Variants in ST7 observed in about 807,000 individuals in gnomAD.
The protein encoded by ST7 is suppressor of tumorigenicity 7 protein.
In ST7, 28 loss-of-function variants were observed where a neutral mutation model predicts 78.7. That is an observed-to-expected ratio of 0.36 (90% CI 0.26 to 0.49). The LOEUF is 0.49. ST7 is among the 20% of genes least tolerant of loss of function. The pLI is 0.99. For synonymous variants in ST7, 247 were observed against 249.6 expected, an observed-to-expected ratio of 0.99 and a Z score of 0.10; for missense variants, 418 against 696.0, an observed-to-expected ratio of 0.60 and a Z score of 4.49.
At chr7:117,198,942 T>C (rs1482539244) in intron 12 of ST7, 1 of 152,162 alleles carries the variant, frequency 6.6e-6, no homozygotes, top group Non-Finnish European at 1.5e-5. Flanking sequence ...AATACACACA[T>C]ACATACTCCA....
intron 12 of ST7, among the ~76,000 whole-genome samples, chr7:117,202,542 C>G (rs1810975930): frequency 6.6e-6 from 1 of 152,130 alleles, no homozygotes; most frequent in Admixed American, 6.5e-5. Context: ...GGTTCTTTCC[C>G]TCACTCTCAC....
At chr7:117,147,783 C>G (rs932519767) in intron 9 of ST7, among the ~76,000 whole-genome samples, 3 of 151,970 alleles carry the variant, frequency 2.0e-5, no homozygotes, top group South Asian at 4.1e-4. Flanking sequence ...GCCTTTTTAC[C>G]ATTTGATCCT....
At chr7:117,147,508 G>C (rs1196474034) in intron 9 of ST7, among the ~76,000 whole-genome samples, 1 of 151,732 alleles carries the variant, frequency 6.6e-6, no homozygotes, top group Non-Finnish European at 1.5e-5. Flanking sequence ...ATTACATATA[G>C]CTTTTCATGA....
chr7:117,126,028 G>A (rs1235854696), intron 3 of ST7, among the ~76,000 whole-genome samples: 1 of 151,972 alleles, frequency 6.6e-6, no homozygotes, highest in East Asian at 1.9e-4. Flanking sequence ...ACTAATGTAT[G>A]TAAGGAATGT....
At chr7:117,156,334 C>T (rs1049454422) in intron 9 of ST7, among the ~76,000 whole-genome samples, 3 of 152,140 alleles carry the variant, frequency 2.0e-5, no homozygotes, top group East Asian at 1.9e-4. Flanking sequence ...GTTAAAAGTG[C>T]ACAGCTTTTT....
At chr7:117,167,683 C>T (rs1187615851) in intron 9 of ST7, among the ~76,000 whole-genome samples, 3 of 151,990 alleles carry the variant, frequency 2.0e-5, no homozygotes, top group Non-Finnish European at 4.4e-5. Context: ...TGGGACATAA[C>T]CTGCAAGAAG....
intron 15 of ST7, chr7:117,223,433 A>C (rs959112371): frequency 5.7e-6 from 1 of 175,336 alleles, no homozygotes; most frequent in Non-Finnish European, 1.2e-5. Context: ...TCAGCATGGC[A>C]TCCAAGACTC....
At chr7:117,140,792 G>A (rs1195492743) in intron 9 of ST7, among the ~76,000 whole-genome samples, 1 of 152,056 alleles carries the variant, frequency 6.6e-6, no homozygotes, top group Admixed American at 6.6e-5. Context: ...AGTAGACATG[G>A]GCCTTCTGGT....
In ST7 at chr7:117,099,859, C is replaced by A. The variant is rs1563080974; in HGVS notation, c.234+15C>A. The A allele has an allele frequency of 1.2e-6, 2 of 1,600,964 alleles. No homozygotes were observed. Among genetic ancestry groups the A allele is most frequent in the Admixed American group, 1.7e-5 (1 of 59,136 alleles). On this transcript the variant is annotated intron_variant, in intron 2 of 15. Coordinates refer to ENST00000323984, the MANE Select transcript of ST7 (RefSeq NM_001369598.1). ...GGCTTATTTTGGTAAGTGGTGGAGT[C>A]CTTCTCATTTAAAAACATGCTGATT...
chr7:117,192,621 C>T (rs551557134), intron 12 of ST7, among the ~76,000 whole-genome samples: 8 of 152,264 alleles, frequency 5.3e-5, no homozygotes, highest in African/African-American at 1.9e-4. Flanking sequence ...GGGGGCTCCT[C>T]ATATCTAGGA....
intron 10 of ST7, among the ~76,000 whole-genome samples, chr7:117,181,322 A>G (rs1015507093): frequency 3.9e-5 from 6 of 152,234 alleles, no homozygotes; most frequent in Non-Finnish European, 5.9e-5. Context: ...CCAAAAAAAC[A>G]GTGAAGAATG....
intron 9 of ST7, among the ~76,000 whole-genome samples, chr7:117,139,736 C>G (rs1805112779): frequency 6.6e-6 from 1 of 152,126 alleles, no homozygotes; most frequent in Non-Finnish European, 1.5e-5. Context: ...GAATCTCCCT[C>G]AATTAAATTA....
rs1469580321 is a variant in ST7 at position 117,219,704 on chromosome 7, C to G, written c.1498+528C>G. ...TGGCAAGAGGGATTTCCCGTGAGCA[C>G]CTCGTGGGTTGCATGTAGTGACTCG... On this transcript the variant is annotated intron_variant, in intron 14 of 15. Transcript: ENST00000323984. The surrounding 1 kb of genome is among the most constrained non-coding windows in gnomAD (Gnocchi z 5.1). Among the ~76,000 whole-genome samples, 1 of 152,208 alleles carries G rather than the reference C, an allele frequency of 6.6e-6. No homozygotes were observed. Among genetic ancestry groups the G allele is most frequent in the Admixed American group, 6.5e-5 (1 of 15,278 alleles).
chr7:117,216,248 A>G (rs530552843), intron 13 of ST7, among the ~76,000 whole-genome samples: 1 of 152,296 alleles, frequency 6.6e-6, no homozygotes, highest in East Asian at 1.9e-4. Context: ...TTGACCCTTC[A>G]GCAAATTCAC....
intron 1 of ST7, among the ~76,000 whole-genome samples, chr7:116,966,551 G>A (rs1042002848): frequency 3.9e-5 from 6 of 152,114 alleles, no homozygotes; most frequent in Admixed American, 2.0e-4. Context: ...GCGCCCAGCC[G>A]ATAATATATG....
At chr7:116,999,327 A>G (rs1449117222) in intron 1 of ST7, among the ~76,000 whole-genome samples, 1 of 152,236 alleles carries the variant, frequency 6.6e-6, no homozygotes, top group Non-Finnish European at 1.5e-5. Context: ...TTACAGCTTT[A>G]TTAAATACTT....
chr7:117,168,826 TG>T (rs1335990658), intron 9 of ST7, among the ~76,000 whole-genome samples: 1 of 152,210 alleles, frequency 6.6e-6, no homozygotes, highest in Non-Finnish European at 1.5e-5. Context: ...AAGGAAGAAC[TG>T]GATGGTCAAT....
intron 10 of ST7, among the ~76,000 whole-genome samples, chr7:117,176,319 G>A (rs759769987): frequency 1.2e-4 from 18 of 152,110 alleles, no homozygotes; most frequent in Non-Finnish European, 2.1e-4. Flanking sequence ...ATGCCATCAA[G>A]CCCATCCTAA....
At chr7:117,075,629 A>C (rs1444591690) in intron 1 of ST7, among the ~76,000 whole-genome samples, 1 of 152,190 alleles carries the variant, frequency 6.6e-6, no homozygotes, top group Non-Finnish European at 1.5e-5. Flanking sequence ...GTGAGGCCTG[A>C]ACCAGTGTGA....
Sources: gnomAD v4.1 joint callset for allele counts (sites outside exome capture counted in the v4.1 genomes callset) on GRCh38, gnomAD v4.1.1 for gene constraint, Gnocchi (gnomAD v3.1) non-coding constraint, MANE v1.5 for transcripts, NCBI Gene and HGNC (gene_info 2026-07-23, HGNC 2026-07-21) for gene names.